Variants in NIPAL3 observed in about 807,000 individuals in gnomAD.
The protein encoded by NIPAL3 is NIPA-like protein 3.
In NIPAL3, 41 loss-of-function variants were observed where a neutral mutation model predicts 47.2. That is an observed-to-expected ratio of 0.87 (90% CI 0.68 to 1.13). The LOEUF (loss-of-function observed/expected upper bound fraction) is 1.13, where lower values mean the gene tolerates loss of function less well. Ranked by LOEUF, NIPAL3 falls within the 50% of genes most tolerant of loss-of-function variation. The pLI, the probability that NIPAL3 is intolerant of heterozygous loss-of-function variation, is 0.00. For synonymous variants in NIPAL3, 194 were observed against 209.6 expected (o/e 0.93, Z 0.64); for missense variants, 449 against 530.1 (o/e 0.85, Z 1.50).
At chr1:24,452,237 G>C (rs558720455) in intron 6 of NIPAL3, among the ~76,000 whole-genome samples, 4 of 152,234 alleles carry the variant, frequency 2.6e-5, no homozygotes, top group South Asian at 4.1e-4. Flanking sequence ...ATGCAAGGAG[G>C]GGGAGCTTCT....
intron 5 of NIPAL3, among the ~76,000 whole-genome samples, chr1:24,446,069 C>CGTGTGTGT (rs58016013): frequency 6.8e-6 from 1 of 147,736 alleles, no homozygotes; most frequent in African/African-American, 2.5e-5. Context: ...AGATTATAGT[C>CGTGTGTGT]GTGTGTGTGT....
chr1:24,464,232 C>A, intron 11 of NIPAL3, 112 bp downstream of exon 11: 1 of 709,754 alleles, frequency 1.4e-6, no homozygotes, highest in South Asian at 2.9e-5. Flanking sequence ...TGTGACTGTT[C>A]TCTCACTGTC....
At chr1:24,420,549 T>C (rs1474969229) in intron 2 of NIPAL3, among the ~76,000 whole-genome samples, 2 of 152,206 alleles carry the variant, frequency 1.3e-5, no homozygotes, top group African/African-American at 4.8e-5. Context: ...GTATATCACC[T>C]ACTCCATTAC....
At chr1:24,450,212 G>C (rs891228361) in intron 6 of NIPAL3, among the ~76,000 whole-genome samples, 3 of 152,130 alleles carry the variant, frequency 2.0e-5, no homozygotes, top group African/African-American at 7.2e-5. Flanking sequence ...GGCCTGGATG[G>C]GAAAGCAAAT....
intron 2 of NIPAL3, among the ~76,000 whole-genome samples, chr1:24,429,748 T>C (rs1644793939): frequency 6.6e-6 from 1 of 152,214 alleles, no homozygotes; most frequent in African/African-American, 2.4e-5. Context: ...ATGCTTTGAT[T>C]GGTTGTGCTT....
intron 11 of NIPAL3, among the ~76,000 whole-genome samples, chr1:24,468,182 G>T (rs576086761): frequency 6.6e-6 from 1 of 152,122 alleles, no homozygotes; most frequent in African/African-American, 2.4e-5. Context: ...AGGCATGGTG[G>T]CATGCACCTG....
chr1:24,427,689 A>T (rs993777097), intron 2 of NIPAL3, among the ~76,000 whole-genome samples: 1 of 152,240 alleles, frequency 6.6e-6, no homozygotes, highest in Non-Finnish European at 1.5e-5. Context: ...AATAGGACTC[A>T]TAGTAACACC....
chr1:24,433,906 G>T (rs1475908376), intron 2 of NIPAL3, among the ~76,000 whole-genome samples: 1 of 152,092 alleles, frequency 6.6e-6, no homozygotes, highest in Non-Finnish European at 1.5e-5. Flanking sequence ...AAATTAAGGT[G>T]TTAATTATAA....
chr1:24,444,161 A>G (rs1645537676), intron 4 of NIPAL3, among the ~76,000 whole-genome samples: 2 of 152,168 alleles, frequency 1.3e-5, no homozygotes, highest in African/African-American at 2.4e-5. Context: ...TTGGATATCT[A>G]TGACTTAACC....
chr1:24,430,009 CAAA>C (rs1240518542), intron 2 of NIPAL3, among the ~76,000 whole-genome samples: 1 of 151,696 alleles, frequency 6.6e-6, no homozygotes, highest in Non-Finnish European at 1.5e-5. Context: ...GATTATTAAG[CAAA>C]AAAAGTATTA....
chr1:24,429,312 C>T (rs766859631), intron 2 of NIPAL3, among the ~76,000 whole-genome samples: 2 of 150,688 alleles, frequency 1.3e-5, no homozygotes, highest in Non-Finnish European at 1.5e-5. Context: ...CTCAGGAGGC[C>T]GAGGCAGGAG....
chr1:24,415,775 A>G (rs984075863), upstream of NIPAL3: 7 of 941,444 alleles, frequency 7.4e-6, no homozygotes, highest in African/African-American at 5.3e-5. Flanking sequence ...CTTTGAAAGC[A>G]AAACACTGCA....
rs1174920746 is a variant in NIPAL3, at chr1:24,419,490, G to A, written c.-58G>A. On this transcript the variant is annotated 5_prime_UTR_variant, in exon 2 of 12. Transcript: ENST00000374399. ...AGAGATGGCATCTGGCCTGGGCCCC[G>A]CCTAGCAGCAGCTCCACCTCCTAGG... is the stretch of plus-strand genomic sequence containing the variant. The A allele has an allele frequency of 4.6e-6, 7 of 1,506,252 alleles. No individual in the cohort carries two copies. Among genetic ancestry groups the A allele is most frequent in the African/African-American group, 4.2e-5 (3 of 71,182 alleles). 93.3% of individuals were successfully genotyped at this position (1,506,252 alleles called of 1,614,324 possible).
At chr1:24,461,192 A>T (rs1646452631) in intron 10 of NIPAL3, among the ~76,000 whole-genome samples, 1 of 152,142 alleles carries the variant, frequency 6.6e-6, no homozygotes, top group African/African-American at 2.4e-5. Context: ...CATTTTGAAA[A>T]CTTGAGGCCA....
chr1:24,419,383 T>A lies in NIPAL3; in HGVS notation c.-165T>A. 2.2e-6 allele frequency: 3 copies of A among 1,334,768 alleles called. No homozygotes were observed. The highest frequency in any genetic ancestry group is 2.9e-6 in the Non-Finnish European group (3 of 1,044,966). 82.7% of individuals were successfully genotyped at this position (1,334,768 alleles called of 1,614,324 possible). A position where few individuals can be genotyped will look rare whatever the true frequency, so the allele number is the denominator to read the frequency against. On this transcript the variant is annotated 5_prime_UTR_variant, in exon 2 of 12. Coordinates refer to ENST00000374399, the MANE Select transcript of NIPAL3 (RefSeq NM_020448.5). ...CTCTGAGTGAAGCTGAGGAGAAGGC[T>A]GTAAATCTGCCAAAACAGCCTTGAA...
intron 7 of NIPAL3, 35 bp from the exon 8 acceptor site, chr1:24,456,102 TG>T: frequency 6.2e-7 from 1 of 1,613,104 alleles, no homozygotes; most frequent in Non-Finnish European, 8.5e-7. Flanking sequence ...TGCATTTCCC[TG>T]AGGCTCCCCA....
chr1:24,436,765 C>T lies in NIPAL3; in HGVS notation c.94-3407C>T, dbSNP rs189406324. The stretch of plus-strand genomic sequence containing the variant: ...TCACCCGCCTTGGCCTCCCAAACTG[C>T]TGGGATTACAGGCGTGAGCCACCGC... On this transcript the variant is annotated intron_variant, in intron 2 of 11. Transcript: ENST00000374399. 3.4e-3 allele frequency among the ~76,000 whole-genome samples: 522 copies of T among 152,104 alleles called. 7 individuals carry two copies. The highest frequency in any genetic ancestry group is 0.011 in the African/African-American group (468 of 41,544).
chr1:24,471,810 A>G lies in NIPAL3; in HGVS notation c.*2625A>G, dbSNP rs1646914479. ...CCGAGCCTGCAAGAACAAAAAACAA[A>G]AAGCAGAAATTAAAATCAGGTTTCA... On this transcript the variant is annotated 3_prime_UTR_variant, in exon 12 of 12. Coordinates refer to ENST00000374399, the MANE Select transcript of NIPAL3 (RefSeq NM_020448.5). The G allele has an allele frequency of 6.6e-6, 1 of 152,140 alleles. No individual in the cohort carries two copies. Among genetic ancestry groups the G allele is most frequent in the South Asian group, 2.1e-4 (1 of 4,826 alleles). 9.4% of individuals were successfully genotyped at this position (152,140 alleles called of 1,614,324 possible). A position where few individuals can be genotyped will look rare whatever the true frequency, so the allele number is the denominator to read the frequency against.
intron 6 of NIPAL3, among the ~76,000 whole-genome samples, chr1:24,450,739 A>G (rs1645897542): frequency 6.6e-6 from 1 of 152,236 alleles, no homozygotes; most frequent in Non-Finnish European, 1.5e-5. Context: ...ACCTGGCCTC[A>G]GGTGCCATCT....
Sources: gnomAD v4.1 joint callset for allele counts (sites outside exome capture counted in the v4.1 genomes callset) on GRCh38, gnomAD v4.1.1 for gene constraint, MANE v1.5 for transcripts, NCBI Gene and HGNC (gene_info 2026-07-23, HGNC 2026-07-21) for gene names.